The following KIRREL3 variants were observed in gnomAD, a reference collection of about 807,000 sequenced individuals.
KIRREL3 encodes kirre like nephrin family adhesion molecule 3, also known as kin of IRRE-like protein 3.
KIRREL3 carries 36 observed loss-of-function variants against 89.7 expected under a neutral mutation model. That is an observed-to-expected ratio of 0.40 (90% CI 0.31 to 0.53). The LOEUF is 0.53. Ranked by LOEUF, KIRREL3 falls within the 20% of genes least tolerant of loss-of-function variation. The pLI, the probability that KIRREL3 is intolerant of heterozygous loss-of-function variation, is 0.49. For synonymous variants in KIRREL3, 445 were observed against 441.4 expected, an observed-to-expected ratio of 1.01 and a Z score of -0.10; for missense variants, 864 against 1,056.6, an observed-to-expected ratio of 0.82 and a Z score of 2.53.
rs1280499578 is a variant in KIRREL3 at position 126,969,252 on chromosome 11, G to T, written c.55+31203C>A. On this transcript the variant is annotated intron_variant, in intron 1 of 16. Transcript: ENST00000525144. The surrounding 1 kb of genome is among the most constrained non-coding windows in gnomAD (Gnocchi z 4.9). ...CATTTACTGACACAATAGACATGGA[G>T]TGCCTCCCATGGACACAGGGAATGA... Among the ~76,000 whole-genome samples, 2 of 152,172 alleles carry T rather than the reference G, an allele frequency of 1.3e-5. No individual in the cohort carries two copies. Among genetic ancestry groups the T allele is most frequent in the African/African-American group, 4.8e-5 (2 of 41,450 alleles).
intron 1 of KIRREL3, among the ~76,000 whole-genome samples, chr11:126,767,071 GC>G (rs1225875373): frequency 6.6e-6 from 1 of 152,230 alleles, no homozygotes; most frequent in Non-Finnish European, 1.5e-5. Context: ...AAAGAGATAT[GC>G]CTGGCCCAGA....
At chr11:126,470,278 C>T (rs1956848968) in intron 5 of KIRREL3, among the ~76,000 whole-genome samples, 1 of 152,240 alleles carries the variant, frequency 6.6e-6, no homozygotes, top group African/African-American at 2.4e-5. Context: ...AGCCCCTATC[C>T]TTCCTTTTCA....
rs573288819 is a variant in KIRREL3, at chr11:126,576,049, G to C, written c.56-13137C>G. 9.2e-5 allele frequency among the ~76,000 whole-genome samples: 14 copies of C among 152,304 alleles called. No individual in the cohort carries two copies. The South Asian group carries it at 1.7e-3, about 18-fold the overall frequency. ...ATTAATCTCTAGAACCTGGCTCAGA[G>C]CCAGGCACATAGTAGGCACTCAGTG... is the stretch of plus-strand genomic sequence containing the variant. On this transcript the variant is annotated intron_variant, in intron 1 of 16. Transcript: ENST00000525144. The surrounding 1 kb of genome is among the most constrained non-coding windows in gnomAD (Gnocchi z 5.4).
rs1944456784 is a variant in KIRREL3 at position 126,641,245 on chromosome 11, A to G, written c.56-78333T>C. On this transcript the variant is annotated intron_variant, in intron 1 of 16. Transcript: ENST00000525144. The surrounding 1 kb of genome is among the most constrained non-coding windows in gnomAD (Gnocchi z 5.0). ...CCTGTTGTCTCAAAATATATTATAA[A>G]CCAACCACCTCTCACCACTTCCTCT... 6.6e-6 allele frequency among the ~76,000 whole-genome samples: 1 copy of G among 152,060 alleles called. No individual in the cohort carries two copies. Among genetic ancestry groups the G allele is most frequent in the African/African-American group, 2.4e-5 (1 of 41,390 alleles).
chr11:126,816,113 GA>G (rs1381748218), intron 1 of KIRREL3, among the ~76,000 whole-genome samples: 1 of 152,100 alleles, frequency 6.6e-6, no homozygotes, highest in Non-Finnish European at 1.5e-5. Context: ...AACATTTATA[GA>G]AAAACAGCAT....
In KIRREL3 at chr11:126,431,733, G is replaced by A. The variant is rs1173646626; in HGVS notation, c.1589-207C>T. On this transcript the variant is annotated intron_variant, in intron 13 of 16. Coordinates refer to ENST00000525144, the MANE Select transcript of KIRREL3 (RefSeq NM_032531.4). The surrounding 1 kb of genome is among the most constrained non-coding windows in gnomAD (Gnocchi z 7.1). ...AAAGACCAGGGTGGAGGACACAGGG[G>A]CTTGGTGGGTGGAGGAGAGGGCAGG... Among the ~76,000 whole-genome samples, 1 of 152,162 alleles carries A rather than the reference G, an allele frequency of 6.6e-6. No homozygotes were observed. The highest frequency in any genetic ancestry group is 2.4e-5 in the African/African-American group (1 of 41,434).
At position 126,531,271 on chromosome 11, in the gene KIRREL3, ACT is replaced by A. The variant is rs1474448913; in HGVS notation, c.134-4586_134-4585del. Among the ~76,000 whole-genome samples the A allele has an allele frequency of 6.6e-6, 1 of 151,940 alleles. No homozygotes were observed. Among genetic ancestry groups the A allele is most frequent in the Non-Finnish European group, 1.5e-5 (1 of 67,980 alleles). ...GCCTCAACCTGGGCTCTTGCCACAG[ACT>A]CTGAATGTTCTCTTTGCCTGATCCA... is the stretch of plus-strand genomic sequence containing the variant. On this transcript the variant is annotated intron_variant, in intron 2 of 16. Transcript: ENST00000525144. This position sits in a 1 kb window ranked among gnomAD's most constrained non-coding sequence, Gnocchi z 4.7.
chr11:126,644,963 C>G (rs1280530693), intron 1 of KIRREL3, among the ~76,000 whole-genome samples: 2 of 152,116 alleles, frequency 1.3e-5, no homozygotes, highest in Non-Finnish European at 2.9e-5. Flanking sequence ...ACCGTTGCAG[C>G]CCAGGAGAGC....
In KIRREL3 at chr11:126,912,293, G is replaced by T. The variant is rs1200721325; in HGVS notation, c.55+88162C>A. Among the ~76,000 whole-genome samples the T allele has an allele frequency of 6.6e-6, 1 of 152,130 alleles. No individual in the cohort carries two copies. The highest frequency in any genetic ancestry group is 1.9e-4 in the East Asian group (1 of 5,172). ...TAAACCGGCCGAGAGTGGCTCTGAG[G>T]ACCTGCAGGTGCTGCCCACATGTGC... On this transcript the variant is annotated intron_variant, in intron 1 of 16. Coordinates refer to ENST00000525144, the MANE Select transcript of KIRREL3 (RefSeq NM_032531.4). This position sits in a 1 kb window ranked among gnomAD's most constrained non-coding sequence, Gnocchi z 4.7.
chr11:126,429,717 G>C lies in KIRREL3; in HGVS notation c.1697-429C>G, dbSNP rs1199377556. On this transcript the variant is annotated intron_variant, in intron 14 of 16. Transcript: ENST00000525144. The surrounding 1 kb of genome is among the most constrained non-coding windows in gnomAD (Gnocchi z 5.2). Reference sequence around the variant, plus strand: ...TTGGAAAGGACCTCAAAGTGCCCATGGCCAACCCCCATCCAAAGAGAAACG... The same window carrying C: ...TTGGAAAGGACCTCAAAGTGCCCATCGCCAACCCCCATCCAAAGAGAAACG... Among the ~76,000 whole-genome samples the C allele has an allele frequency of 6.6e-6, 1 of 152,210 alleles. No individual in the cohort carries two copies. The highest frequency in any genetic ancestry group is 1.5e-5 in the Non-Finnish European group (1 of 68,040).
At chr11:126,539,553 A>T (rs955444048) in intron 2 of KIRREL3, among the ~76,000 whole-genome samples, 1 of 152,184 alleles carries the variant, frequency 6.6e-6, no homozygotes, top group Non-Finnish European at 1.5e-5. Context: ...GGAAAGAAGA[A>T]ATGGATTTAG....
In KIRREL3 at chr11:126,475,397, G is replaced by A. The variant is rs543907431; in HGVS notation, c.434-1931C>T. ...GGGACAGGAAGCCCCAGTGGGGGCC[G>A]GTAAGAAGCCAAGAAGCAAACCTTC... On this transcript the variant is annotated intron_variant, in intron 4 of 16. Transcript: ENST00000525144. The surrounding 1 kb of genome is among the most constrained non-coding windows in gnomAD (Gnocchi z 7.5). Among the ~76,000 whole-genome samples the A allele has an allele frequency of 2.0e-5, 3 of 152,224 alleles. No homozygotes were observed. The highest frequency in any genetic ancestry group is 4.8e-5 in the African/African-American group (2 of 41,460).
At position 126,424,900 on chromosome 11, in the gene KIRREL3, T is replaced by C. The variant is rs1217714115; in HGVS notation, c.2017A>G (p.Met673Val). 6.2e-6 allele frequency: 10 copies of C among 1,610,610 alleles called. No homozygotes were observed. Among genetic ancestry groups the C allele is most frequent in the South Asian group, 1.1e-5 (1 of 91,046 alleles). ...GTGCTGTAGATGTTGGTGAAGGACA[T>C]GCCTGTGGGCACACGCTGCTTGCCC... ...PAGKQRVPTG[M>V]SFTNIYSTLS... Residue 673 changes from methionine (M) to valine (V), a missense_variant, in exon 17 of 17, where the codon ATG (methionine) becomes GTG (valine). Met to Val is a conservative substitution (Grantham distance 21). Transcript: ENST00000525144.
intron 15 of KIRREL3, 53 bp from the exon 16 acceptor site, chr11:126,425,777 T>C: frequency 7.2e-7 from 1 of 1,379,798 alleles, no homozygotes; most frequent in Non-Finnish European, 1.0e-6. Context: ...AACCTCCACT[T>C]CCCCCAAGGA....
At position 126,686,385 on chromosome 11, in the gene KIRREL3, G is replaced by A. The variant is rs992663245; in HGVS notation, c.56-123473C>T. ...CATTCTAGGAACTGTGCTTGGTGAT[G>A]AGCTGCAGAGACAGAAGACACCATC... On this transcript the variant is annotated intron_variant, in intron 1 of 16. Coordinates refer to ENST00000525144, the MANE Select transcript of KIRREL3 (RefSeq NM_032531.4). This position sits in a 1 kb window ranked among gnomAD's most constrained non-coding sequence, Gnocchi z 4.7. Among the ~76,000 whole-genome samples the A allele has an allele frequency of 1.3e-5, 2 of 152,080 alleles. No homozygotes were observed. The highest frequency in any genetic ancestry group is 4.8e-5 in the African/African-American group (2 of 41,416).
rs765028916 is a variant in KIRREL3 at position 126,432,311 on chromosome 11, G to A, written c.1589-785C>T. On this transcript the variant is annotated intron_variant, in intron 13 of 16. Transcript: ENST00000525144. This position sits in a 1 kb window ranked among gnomAD's most constrained non-coding sequence, Gnocchi z 6.2. ...CTGTGGCCTGTCTCCTGCCCAAGCC[G>A]AGTGGGGGTAGGGACAGGGAGGGTA... is the stretch of plus-strand genomic sequence containing the variant. Among the ~76,000 whole-genome samples, 13 of 152,162 alleles carry A rather than the reference G, an allele frequency of 8.5e-5. No homozygotes were observed. The highest frequency in any genetic ancestry group is 1.8e-4 in the Non-Finnish European group (12 of 68,018).
rs891764920 is a variant in KIRREL3, at chr11:126,645,592, AATGGAAGC to A, written c.56-82688_56-82681del. On this transcript the variant is annotated intron_variant, in intron 1 of 16. Transcript: ENST00000525144. This position sits in a 1 kb window ranked among gnomAD's most constrained non-coding sequence, Gnocchi z 4.9. ...TTCCACCAGAGGCCTTCCACATCTA[AATGGAAGC>A]ATCATGGCACGAGGTGAAATTCTAG... Among the ~76,000 whole-genome samples the A allele has an allele frequency of 9.4e-4, 143 of 152,314 alleles. No homozygotes were observed. Among genetic ancestry groups the A allele is most frequent in the African/African-American group, 3.4e-3 (142 of 41,554 alleles).
At chr11:126,907,806 G>T (rs1295256964) in intron 1 of KIRREL3, among the ~76,000 whole-genome samples, 1 of 151,922 alleles carries the variant, frequency 6.6e-6, no homozygotes, top group African/African-American at 2.4e-5. Flanking sequence ...CTCCCCTCTG[G>T]CTCATTTTGC....
rs116551976 is a variant in KIRREL3 at position 126,456,745 on chromosome 11, G to A, written c.743-291C>T. On this transcript the variant is annotated intron_variant, in intron 6 of 16. Transcript: ENST00000525144. ...GTTTCCCATCCTCCAACTTTTGGGCGGAACAAAATAATCTAGGAAGGAGAG... is the reference window on the plus strand; with the variant it reads ...GTTTCCCATCCTCCAACTTTTGGGCAGAACAAAATAATCTAGGAAGGAGAG... Among the ~76,000 whole-genome samples, 327 of 152,248 alleles carry A rather than the reference G, an allele frequency of 2.1e-3. 4 individuals carry two copies. The highest frequency in any genetic ancestry group is 7.4e-3 in the African/African-American group (309 of 41,528).
Sources: allele counts gnomAD v4.1 joint callset (sites outside exome capture counted in the v4.1 genomes callset), GRCh38; gene constraint gnomAD v4.1.1; non-coding constraint Gnocchi (gnomAD v3.1); transcripts MANE v1.5; gene names NCBI Gene and HGNC (gene_info 2026-07-23, HGNC 2026-07-21).